Variants in EFTUD2 observed in about 807,000 individuals in gnomAD.
The protein encoded by EFTUD2 is 116 kDa U5 small nuclear ribonucleoprotein component.
In EFTUD2, 9 loss-of-function variants were observed where a neutral mutation model predicts 114.3. The observed-to-expected ratio is 0.08, with a 90% confidence interval of 0.05 to 0.14. EFTUD2 has a LOEUF of 0.14. EFTUD2 is among the 10% of genes least tolerant of loss of function. EFTUD2 has a pLI of 1.00. For synonymous variants in EFTUD2, 449 were observed against 462.3 expected (o/e 0.97, Z 0.37); for missense variants, 765 against 1,241.2 (o/e 0.62, Z 5.76).
intron 2 of EFTUD2, among the ~76,000 whole-genome samples, chr17:44,887,947 A>G (rs1185387890): frequency 1.3e-5 from 2 of 152,216 alleles, no homozygotes; most frequent in Non-Finnish European, 2.9e-5. Context: ...TAAGTCCTAA[A>G]ACACTTACTG....
intron 19 of EFTUD2, among the ~76,000 whole-genome samples, chr17:44,857,834 C>CA (rs1305194866): frequency 6.6e-6 from 1 of 152,098 alleles, no homozygotes; most frequent in Non-Finnish European, 1.5e-5. Context: ...AATCACCACC[C>CA]ATGGGTTAAT....
intron 2 of EFTUD2, 127 bp from the exon 3 acceptor site, chr17:44,886,877 A>C: frequency 6.9e-7 from 1 of 1,450,176 alleles, no homozygotes; most frequent in East Asian, 2.5e-5. Context: ...GTTCTATGCC[A>C]GTGGGGGAGG....
At position 44,851,104 on chromosome 17, in the gene EFTUD2, T is replaced by C; in HGVS notation, c.*170A>G. Reference sequence around the variant, plus strand: ...CAGAAGGAAGCAGGAGGCCAAATGCTCCTCTCTCACTGGGGCTCTGGGTTG... The same window carrying C: ...CAGAAGGAAGCAGGAGGCCAAATGCCCCTCTCTCACTGGGGCTCTGGGTTG... On this transcript the variant is annotated 3_prime_UTR_variant, in exon 28 of 28. Transcript: ENST00000426333. 1.6e-6 allele frequency: 1 copy of C among 610,674 alleles called. No individual in the cohort carries two copies. The highest frequency in any genetic ancestry group is 2.0e-5 in the South Asian group (1 of 49,724). 37.8% of individuals were successfully genotyped at this position (610,674 alleles called of 1,614,324 possible). A position where few individuals can be genotyped will look rare whatever the true frequency, so the allele number is the denominator to read the frequency against.
intron 7 of EFTUD2, among the ~76,000 whole-genome samples, chr17:44,881,199 G>A (rs997691494): frequency 1.3e-5 from 2 of 152,178 alleles, no homozygotes; most frequent in African/African-American, 2.4e-5. Flanking sequence ...GAAATAAGAG[G>A]AGGGAAACAG....
chr17:44,868,232 A>T (rs2050785845), intron 12 of EFTUD2, 55 bp downstream of exon 12: 1 of 1,513,300 alleles, frequency 6.6e-7, no homozygotes. Context: ...CACTGTCCTC[A>T]CTTACTGGGT....
intron 26 of EFTUD2, among the ~76,000 whole-genome samples, chr17:44,852,054 A>AT (rs1271405268): frequency 1.3e-5 from 2 of 151,926 alleles, no homozygotes; most frequent in Non-Finnish European, 2.9e-5. Flanking sequence ...AGTAGCTGGG[A>AT]TTACAGGCAT....
intron 5 of EFTUD2, 129 bp from the exon 6 acceptor site, chr17:44,883,287 G>T (rs1327514995): frequency 1.3e-6 from 1 of 747,574 alleles, no homozygotes; most frequent in Non-Finnish European, 2.2e-6. Context: ...AGGGTTATGG[G>T]ACAGCAAATA....
At chr17:44,856,725 C>T (rs1293195719) in intron 20 of EFTUD2, among the ~76,000 whole-genome samples, 1 of 149,816 alleles carries the variant, frequency 6.7e-6, no homozygotes, top group South Asian at 2.1e-4. Context: ...ATTGCTTAAG[C>T]CCAGAAAGTT....
rs772003277 is a variant in EFTUD2 at position 44,862,821 on chromosome 17, G to A, written c.1499C>T (p.Thr500Ile). The change falls in exon 16 of 28, where the codon ACC (threonine) becomes ATC (isoleucine). Residue 500 changes from threonine to isoleucine, a missense_variant. Physicochemically the swap from Thr to Ile is moderately conservative, Grantham distance 89. Coordinates refer to ENST00000426333, the MANE Select transcript of EFTUD2 (RefSeq NM_004247.4). ...CTTCACAGGCTGCCCAGCATGAATG[G>A]TGCCACTCAGCACCCGGCCAAAGGC... The part of the protein sequence containing the change: ...FHAFGRVLSG[T>I]IHAGQPVKVL... 3 of 1,614,202 alleles carry A rather than the reference G, an allele frequency of 1.9e-6. No individual in the cohort carries two copies. The highest frequency in any genetic ancestry group is 2.2e-5 in the South Asian group (2 of 91,082).
chr17:44,875,835 A>T, intron 10 of EFTUD2, 99 bp downstream of exon 10: 2 of 1,478,216 alleles, frequency 1.4e-6, no homozygotes, highest in South Asian at 1.3e-5. Flanking sequence ...AAACTCATCA[A>T]CACACGCTTA....
intron 6 of EFTUD2, 118 bp from the exon 7 acceptor site, chr17:44,881,840 G>C: frequency 9.7e-6 from 9 of 928,156 alleles, no homozygotes; most frequent in Non-Finnish European, 1.4e-5. Flanking sequence ...ATTAAAGAGA[G>C]AGAGAGAGCA....
intron 18 of EFTUD2, 180 bp downstream of exon 18, chr17:44,859,725 T>A: frequency 2.1e-6 from 2 of 935,398 alleles, no homozygotes; most frequent in Admixed American, 4.9e-5. Flanking sequence ...CACACACACA[T>A]ACACACACAC....
rs1188289838 is a variant in EFTUD2 at position 44,871,034 on chromosome 17, G to T, written c.994+1412C>A. 2.0e-5 allele frequency among the ~76,000 whole-genome samples: 3 copies of T among 151,748 alleles called. No homozygotes were observed. The East Asian group carries it at 5.8e-4, about 29-fold the overall frequency. On this transcript the variant is annotated intron_variant, in intron 11 of 27. Coordinates refer to ENST00000426333, the MANE Select transcript of EFTUD2 (RefSeq NM_004247.4). ...TTATGTCTCAAAAAAAAAAGAAAAA[G>T]AACCAAATTTTTCTTGTTTTTTGAG...
At chr17:44,883,564 C>G (rs1395054375) in intron 5 of EFTUD2, 85 bp downstream of exon 5, 1 of 1,331,202 alleles carries the variant, frequency 7.5e-7, no homozygotes, top group East Asian at 2.3e-5. Flanking sequence ...GACCTCAAAC[C>G]TCAACCGCTG....
chr17:44,886,803 G>C, intron 2 of EFTUD2, 53 bp from the exon 3 acceptor site: 1 of 1,563,188 alleles, frequency 6.4e-7, no homozygotes, highest in Non-Finnish European at 8.6e-7. Context: ...TTTCCTGTTT[G>C]ATATCTGACT....
chr17:44,895,959 T>A (rs2145585924), intron 1 of EFTUD2: 1 of 152,378 alleles, frequency 6.6e-6, no homozygotes, highest in South Asian at 2.1e-4. Flanking sequence ...TCCTTAAGGA[T>A]GTCCCTTGAT....
Position 44,879,383 on chromosome 17 carries a change from G to A in EFTUD2, c.702+173C>T, listed in dbSNP as rs373680117. ...TTACAGGTGTGAGCAACCACACCCG[G>A]TAAGAATTAATTTTGAAACATTTGC... On this transcript the variant is annotated intron_variant, in intron 9 of 27. Coordinates refer to ENST00000426333, the MANE Select transcript of EFTUD2 (RefSeq NM_004247.4). 562 of 633,722 alleles carry A rather than the reference G, an allele frequency of 8.9e-4. 10 individuals are homozygous for A. In the South Asian group the frequency reaches 9.9e-3, roughly 11 times the overall value. The allele number at this position is 633,722 out of a possible 1,614,324, so 39.3% of individuals were successfully genotyped here.
intron 11 of EFTUD2, among the ~76,000 whole-genome samples, chr17:44,870,966 C>T (rs1215754208): frequency 4.0e-5 from 6 of 151,780 alleles, no homozygotes; most frequent in Non-Finnish European, 7.4e-5. Flanking sequence ...TGCAGTGAGC[C>T]GAGATCGTGC....
At chr17:44,857,436 T>C in intron 19 of EFTUD2, 1 of 365,938 alleles carries the variant, frequency 2.7e-6, no homozygotes, top group Non-Finnish European at 5.3e-6. Context: ...CAAAGGTAGC[T>C]CTCAGCATCC....
Sources: allele counts gnomAD v4.1 joint callset (sites outside exome capture counted in the v4.1 genomes callset), GRCh38; gene constraint gnomAD v4.1.1; transcripts MANE v1.5; gene names NCBI Gene and HGNC (gene_info 2026-07-23, HGNC 2026-07-21).